The following CAMTA1 variants were observed in gnomAD, a reference collection of about 807,000 sequenced individuals.
CAMTA1 encodes calmodulin-binding transcription activator 1.
Under a neutral mutation model 170.9 loss-of-function variants are expected in CAMTA1, and 27 were observed. That is an observed-to-expected ratio of 0.16 (90% CI 0.12 to 0.22). CAMTA1 has a LOEUF of 0.22. Among genes scored for constraint, CAMTA1 ranks in the 10% least tolerant of loss-of-function variants. The probability of loss-of-function intolerance (pLI) is 1.00; values close to 1 mark genes in which losing one functional copy is unlikely to be tolerated. For missense variants in CAMTA1, 1,619 were observed against 2,217.2 expected (o/e 0.73, Z 5.42); for synonymous variants, 833 against 891.5 (o/e 0.93, Z 1.17).
intron 3 of CAMTA1, among the ~76,000 whole-genome samples, chr1:7,009,413 C>T (rs1393572840): frequency 6.6e-6 from 1 of 152,166 alleles, no homozygotes; most frequent in Non-Finnish European, 1.5e-5. Flanking sequence ...AGGTCCAGCT[C>T]AGTGGCCAAG....
intron 4 of CAMTA1, among the ~76,000 whole-genome samples, chr1:7,178,767 C>G (rs1054562303): frequency 6.6e-6 from 1 of 152,170 alleles, no homozygotes. Context: ...AGAATGAAGC[C>G]CTCCTCAGCC....
intron 3 of CAMTA1, among the ~76,000 whole-genome samples, chr1:6,895,273 C>T (rs17030041): frequency 0.098 from 14,876 of 152,186 alleles, 924 homozygotes; most frequent in East Asian, 0.25. Context: ...TAGTTCAAGC[C>T]AGAATCTCAG....
intron 5 of CAMTA1, among the ~76,000 whole-genome samples, chr1:7,298,535 C>T (rs189966975): frequency 6.6e-6 from 1 of 152,308 alleles, no homozygotes; most frequent in East Asian, 1.9e-4. Flanking sequence ...TACATTTCCA[C>T]CATCTACAGG....
chr1:7,369,635 G>A (rs556253769), intron 5 of CAMTA1, among the ~76,000 whole-genome samples: 30 of 152,152 alleles, frequency 2.0e-4, no homozygotes, highest in African/African-American at 6.5e-4. Context: ...CCTGTGTGTC[G>A]GTGTCGCCAA....
chr1:7,267,209 T>A (rs1284491979), intron 5 of CAMTA1, among the ~76,000 whole-genome samples: 2 of 152,160 alleles, frequency 1.3e-5, no homozygotes, highest in Admixed American at 6.5e-5. Flanking sequence ...TTTCCCTTCT[T>A]GGAGTAGAGT....
At chr1:7,458,921 C>A (rs1308390347) in intron 5 of CAMTA1, among the ~76,000 whole-genome samples, 4 of 152,254 alleles carry the variant, frequency 2.6e-5, no homozygotes, top group African/African-American at 9.6e-5. Flanking sequence ...TAAAGCAATT[C>A]ACTATTTAAC....
chr1:7,348,045 C>G (rs147707373), intron 5 of CAMTA1, among the ~76,000 whole-genome samples: 2 of 152,074 alleles, frequency 1.3e-5, no homozygotes, highest in East Asian at 1.9e-4. Flanking sequence ...ACAGCAAGGC[C>G]GTGGGACAGA....
At chr1:7,194,992 A>C (rs1168318942) in intron 4 of CAMTA1, among the ~76,000 whole-genome samples, 3 of 152,214 alleles carry the variant, frequency 2.0e-5, no homozygotes, top group Non-Finnish European at 4.4e-5. Flanking sequence ...GGAGCATCTC[A>C]TGGACTAAAA....
intron 5 of CAMTA1, among the ~76,000 whole-genome samples, chr1:7,376,535 G>A (rs756413727): frequency 2.0e-5 from 3 of 152,166 alleles, no homozygotes; most frequent in Non-Finnish European, 2.9e-5. Flanking sequence ...CAGTGTGGAC[G>A]TTCCATACCA....
intron 5 of CAMTA1, among the ~76,000 whole-genome samples, chr1:7,418,460 A>G (rs576522074): frequency 1.2e-4 from 19 of 152,208 alleles, no homozygotes; most frequent in African/African-American, 4.6e-4. Context: ...TGGCCTCCCA[A>G]AGTGCTTGGA....
intron 5 of CAMTA1, among the ~76,000 whole-genome samples, chr1:7,250,902 C>T (rs990664578): frequency 1.5e-4 from 23 of 152,196 alleles, no homozygotes; most frequent in African/African-American, 5.5e-4. Context: ...CTGCTCTGGG[C>T]GCACCTCTAG....
chr1:7,301,874 G>T (rs1180571877), intron 5 of CAMTA1, among the ~76,000 whole-genome samples: 1 of 152,148 alleles, frequency 6.6e-6, no homozygotes, highest in Non-Finnish European at 1.5e-5. Context: ...GCTGCTCTGG[G>T]CTCTGGAACG....
intron 3 of CAMTA1, among the ~76,000 whole-genome samples, chr1:6,979,424 C>T (rs937069854): frequency 3.0e-4 from 45 of 152,262 alleles, no homozygotes; most frequent in African/African-American, 8.7e-4. Context: ...CCATTTAAAC[C>T]GTGTGCATAT....
chr1:7,484,720 C>T (rs1310947669), intron 6 of CAMTA1, among the ~76,000 whole-genome samples: 4 of 151,806 alleles, frequency 2.6e-5, no homozygotes, highest in East Asian at 1.9e-4. Context: ...ACCTGGGAGG[C>T]GGAGCTTGCA....
At chr1:7,746,573 G>T (rs2096858204) in intron 18 of CAMTA1, among the ~76,000 whole-genome samples, 1 of 152,212 alleles carries the variant, frequency 6.6e-6, no homozygotes. Context: ...GCTGGGACAA[G>T]GGCCCATCCA....
chr1:7,438,892 T>C (rs1373767918), intron 5 of CAMTA1, among the ~76,000 whole-genome samples: 4 of 152,160 alleles, frequency 2.6e-5, no homozygotes, highest in Admixed American at 6.5e-5. Flanking sequence ...AGTGTCCACC[T>C]CCATATCATA....
intron 3 of CAMTA1, among the ~76,000 whole-genome samples, chr1:7,077,670 T>C (rs918140866): frequency 2.0e-5 from 3 of 151,844 alleles, no homozygotes; most frequent in African/African-American, 7.3e-5. Context: ...TTTTTATTAG[T>C]TTTATTGGGT....
chr1:7,094,027 C>T (rs1168986362), intron 4 of CAMTA1, among the ~76,000 whole-genome samples: 1 of 152,176 alleles, frequency 6.6e-6, no homozygotes, highest in African/African-American at 2.4e-5. Context: ...GTGGGGCAGT[C>T]CCCAACCTGC....
intron 3 of CAMTA1, among the ~76,000 whole-genome samples, chr1:7,038,747 T>C (rs12728534): frequency 0.16 from 24,306 of 152,234 alleles, 2,351 homozygotes; most frequent in Non-Finnish European, 0.23. Flanking sequence ...CCCATTTATA[T>C]AAATAACAAA....
Sources: gnomAD v4.1 joint callset for allele counts (sites outside exome capture counted in the v4.1 genomes callset) on GRCh38, gnomAD v4.1.1 for gene constraint, MANE v1.5 for transcripts, NCBI Gene and HGNC (gene_info 2026-07-23, HGNC 2026-07-21) for gene names.